Variants in MSI2 observed in about 807,000 individuals in gnomAD.
The protein encoded by MSI2 is RNA-binding protein Musashi homolog 2.
Under a neutral mutation model 45.6 loss-of-function variants are expected in MSI2, and 17 were observed. That is an observed-to-expected ratio of 0.37 (90% CI 0.26 to 0.56). The LOEUF (loss-of-function observed/expected upper bound fraction) is 0.56, where lower values mean the gene tolerates loss of function less well. Among genes scored for constraint, MSI2 ranks in the 20% least tolerant of loss-of-function variants. MSI2 has a pLI of 0.77. For synonymous variants in MSI2, 156 were observed against 158.2 expected, an observed-to-expected ratio of 0.99 and a Z score of 0.11; for missense variants, 293 against 444.2, an observed-to-expected ratio of 0.66 and a Z score of 3.06.
Position 57,438,039 on chromosome 17 carries a change from T to A in MSI2, c.405+36568T>A, listed in dbSNP as rs114145381. ...CCTACAAGAGAGAAGGGGACCTTAT[T>A]TGGATTGGGTGGTTATGGAGGGCCC... On this transcript the variant is annotated intron_variant, in intron 6 of 13. Transcript: ENST00000284073. 6.2e-4 allele frequency among the ~76,000 whole-genome samples: 95 copies of A among 152,178 alleles called. 1 individual carries two copies. The highest frequency in any genetic ancestry group is 2.2e-3 in the African/African-American group (91 of 41,508).
chr17:57,310,526 G>T (rs1276607933), intron 5 of MSI2, among the ~76,000 whole-genome samples: 1 of 152,078 alleles, frequency 6.6e-6, no homozygotes, highest in East Asian at 1.9e-4. Context: ...TAGAGACGGG[G>T]TTTTACCATG....
At chr17:57,268,036 A>G (rs1907980627) in intron 5 of MSI2, 1 of 152,164 alleles carries the variant, frequency 6.6e-6, no homozygotes, top group African/African-American at 2.4e-5. Context: ...CTTTGTGGAA[A>G]CAGTCATACT....
chr17:57,281,556 C>T (rs189029509), intron 5 of MSI2, among the ~76,000 whole-genome samples: 19 of 152,320 alleles, frequency 1.2e-4, no homozygotes, highest in Non-Finnish European at 2.1e-4. Flanking sequence ...TGTTCCAGCT[C>T]GCTCTGTTTA....
At chr17:57,414,290 A>G (rs1396565677) in intron 6 of MSI2, among the ~76,000 whole-genome samples, 1 of 152,186 alleles carries the variant, frequency 6.6e-6, no homozygotes, top group Admixed American at 6.5e-5. Context: ...CCTGGGCAGT[A>G]GTTGGTGCTC....
chr17:57,648,592 C>A (rs1910878821), intron 10 of MSI2, among the ~76,000 whole-genome samples: 1 of 152,020 alleles, frequency 6.6e-6, no homozygotes, highest in Non-Finnish European at 1.5e-5. Flanking sequence ...TGAGGAGGGA[C>A]CCCCCCACCA....
At chr17:57,673,225 T>G (rs187485149) in intron 11 of MSI2, among the ~76,000 whole-genome samples, 48 of 152,304 alleles carry the variant, frequency 3.2e-4, no homozygotes, top group African/African-American at 1.1e-3. Context: ...CCCATCCCTG[T>G]GACAAGTGGG....
Position 57,529,859 on chromosome 17 carries a change from T to C in MSI2, c.454+135T>C, listed in dbSNP as rs932667122. The C allele has an allele frequency of 1.7e-5, 12 of 687,238 alleles. No individual in the cohort carries two copies. The highest frequency in any genetic ancestry group is 2.2e-5 in the Non-Finnish European group (9 of 412,066). 42.6% of individuals were successfully genotyped at this position (687,238 alleles called of 1,614,324 possible). ...GGTAGAGGTGACCATCCATTGAAGA[T>C]CTTTATTCACGGAGAGTCCCAGTAG... On this transcript the variant is annotated intron_variant, in intron 7 of 13. Coordinates refer to ENST00000284073, the MANE Select transcript of MSI2 (RefSeq NM_138962.4). The surrounding 1 kb of genome is among the most constrained non-coding windows in gnomAD (Gnocchi z 5.3).
Position 57,633,002 on chromosome 17 carries a change from G to A in MSI2, c.727+5699G>A, listed in dbSNP as rs1401897356. 7 of 1,046,674 alleles carry A rather than the reference G, an allele frequency of 6.7e-6. No individual in the cohort carries two copies. In the Admixed American group the frequency reaches 1.7e-4, roughly 25 times the overall value. The allele number at this position is 1,046,674 out of a possible 1,614,324, so 64.8% of individuals were successfully genotyped here. On this transcript the variant is annotated intron_variant, in intron 10 of 13. Transcript: ENST00000284073. Reference sequence around the variant, plus strand: ...TGGCTTTTCCCCATCTCCATATTTTGTTTTGCTATGAATTGCTTTGCTTTG... The same window carrying A: ...TGGCTTTTCCCCATCTCCATATTTTATTTTGCTATGAATTGCTTTGCTTTG...
chr17:57,481,961 CTT>C (rs1422866095), intron 6 of MSI2, among the ~76,000 whole-genome samples: 1 of 152,206 alleles, frequency 6.6e-6, no homozygotes, highest in Non-Finnish European at 1.5e-5. Context: ...ACAGTTCACT[CTT>C]TGTTGATTTC....
intron 9 of MSI2, among the ~76,000 whole-genome samples, chr17:57,623,959 G>T (rs1167826167): frequency 6.6e-6 from 1 of 152,232 alleles, no homozygotes; most frequent in Non-Finnish European, 1.5e-5. Context: ...CCCCGCTCTG[G>T]CAGATGCCGA....
intron 6 of MSI2, among the ~76,000 whole-genome samples, chr17:57,507,223 C>CTGTGTGTGTGTG (rs1436640773): frequency 4.6e-5 from 5 of 109,886 alleles, no homozygotes; most frequent in African/African-American, 2.4e-4. Flanking sequence ...GTCTTTGTCT[C>CTGTGTGTGTGTG]TCTGTGTGTG....
chr17:57,299,974 T>G (rs952635941), intron 5 of MSI2, among the ~76,000 whole-genome samples: 1 of 152,162 alleles, frequency 6.6e-6, no homozygotes, highest in African/African-American at 2.4e-5. Context: ...ACTAAGGCCT[T>G]CGGGGATGCA....
chr17:57,368,333 A>G (rs962436140), intron 5 of MSI2, among the ~76,000 whole-genome samples: 1 of 151,990 alleles, frequency 6.6e-6, no homozygotes, highest in Non-Finnish European at 1.5e-5. Context: ...AGGCGGGCGG[A>G]TTGCTTGGGG....
rs371473884 is a variant in MSI2, at chr17:57,257,216, G to GC, written c.103+91dup. Reference sequence around the variant, plus strand: ...TGCTCTTTGTTATCCCGGTGTAGGAGCCCCCCCCCCCCCGCCATTGGCTCC... The same window carrying GC: ...TGCTCTTTGTTATCCCGGTGTAGGAGCCCCCCCCCCCCCCGCCATTGGCTCC... On this transcript the variant is annotated intron_variant, in intron 2 of 13. Coordinates refer to ENST00000284073, the MANE Select transcript of MSI2 (RefSeq NM_138962.4). 8.7e-3 allele frequency: 1,752 copies of GC among 201,896 alleles called. 4 individuals carry two copies. The highest frequency in any genetic ancestry group is 0.021 in the African/African-American group (200 of 9,546). The allele number at this position is 201,896 out of a possible 1,614,324, so 12.5% of individuals were successfully genotyped here.
chr17:57,267,796 A>G (rs1907956392), intron 5 of MSI2: 1 of 152,108 alleles, frequency 6.6e-6, no homozygotes. Context: ...TCGACGTCTT[A>G]GCTTGGTGCT....
In MSI2 at chr17:57,530,385, A is replaced by T. The variant is rs527345165; in HGVS notation, c.454+661A>T. Among the ~76,000 whole-genome samples, 3 of 152,324 alleles carry T rather than the reference A, an allele frequency of 2.0e-5. No homozygotes were observed. In the East Asian group the frequency reaches 5.8e-4, roughly 29 times the overall value. ...GATCCCTAGGTTTGGACAAATTCTC[A>T]AAAGGGTCTCTGGCCCTGCCCTTAG... On this transcript the variant is annotated intron_variant, in intron 7 of 13. Transcript: ENST00000284073.
chr17:57,624,881 G>T lies in MSI2; in HGVS notation c.653-2348G>T, dbSNP rs558986653. Among the ~76,000 whole-genome samples the T allele has an allele frequency of 5.9e-5, 9 of 152,336 alleles. No individual in the cohort carries two copies. In the South Asian group the frequency reaches 1.0e-3, roughly 18 times the overall value. ...AAGGAAGACTCCTATCTTAAGTCGGGTTGCTGTCACAGATTACCATAGACG... is the reference window on the plus strand; with the variant it reads ...AAGGAAGACTCCTATCTTAAGTCGGTTTGCTGTCACAGATTACCATAGACG... On this transcript the variant is annotated intron_variant, in intron 9 of 13. Coordinates refer to ENST00000284073, the MANE Select transcript of MSI2 (RefSeq NM_138962.4).
downstream of MSI2, among the ~76,000 whole-genome samples, chr17:57,688,616 T>C (rs1178751161): frequency 6.6e-6 from 1 of 152,018 alleles, no homozygotes; most frequent in African/African-American, 2.4e-5. Context: ...CTTTGAAAAA[T>C]ACATATATAT....
In MSI2 at chr17:57,444,285, A is replaced by G. The variant is rs547499068; in HGVS notation, c.405+42814A>G. Among the ~76,000 whole-genome samples, 18 of 152,272 alleles carry G rather than the reference A, an allele frequency of 1.2e-4. No individual in the cohort carries two copies. In the East Asian group the frequency reaches 1.4e-3, roughly 11 times the overall value. On this transcript the variant is annotated intron_variant, in intron 6 of 13. Transcript: ENST00000284073. ...GATTCTATTATCTGCTCTAGTTTACAGGCAAGAACACAGCACGGGCCAGGC... is the reference window on the plus strand; with the variant it reads ...GATTCTATTATCTGCTCTAGTTTACGGGCAAGAACACAGCACGGGCCAGGC...
Sources: allele counts gnomAD v4.1 joint callset (sites outside exome capture counted in the v4.1 genomes callset), GRCh38; gene constraint gnomAD v4.1.1; non-coding constraint Gnocchi (gnomAD v3.1); transcripts MANE v1.5; gene names NCBI Gene and HGNC (gene_info 2026-07-23, HGNC 2026-07-21).